The following GRM7 variants were observed in gnomAD, a reference collection of about 807,000 sequenced individuals.
GRM7 encodes glutamate metabotropic receptor 7.
Under a neutral mutation model 84.5 loss-of-function variants are expected in GRM7, and 35 were observed. The ratio of observed to expected loss-of-function variants is 0.41; its 90% CI spans 0.32 to 0.55. GRM7 has a LOEUF of 0.55. GRM7 is among the 20% of genes least tolerant of loss of function. The probability of loss-of-function intolerance (pLI) is 0.19; values close to 1 mark genes in which losing one functional copy is unlikely to be tolerated. For missense variants in GRM7, 1,003 were observed against 1,194.6 expected, an observed-to-expected ratio of 0.84 and a Z score of 2.36; for synonymous variants, 487 against 455.1, an observed-to-expected ratio of 1.07 and a Z score of -0.89.
intron 1 of GRM7, among the ~76,000 whole-genome samples, chr3:6,934,632 T>C (rs1257896282): frequency 6.6e-6 from 1 of 152,052 alleles, no homozygotes; most frequent in Non-Finnish European, 1.5e-5. Context: ...AGAACAGATA[T>C]AGAGGAGAGA....
In GRM7 at chr3:7,452,701, C is replaced by T; in HGVS notation, c.1269C>T (p.His423=). 1.9e-6 allele frequency: 3 copies of T among 1,612,718 alleles called. No individual in the cohort carries two copies. The highest frequency in any genetic ancestry group is 2.5e-6 in the Non-Finnish European group (3 of 1,178,902). ...DAVYAMAHAL[H]HMNKDLCADY... ...TCTATGCTATGGCTCACGCCCTTCA[C>T]CACATGAACAAGGATCTCTGTGCTG... Residue 423 remains histidine (H), a synonymous_variant, in exon 6 of 10, where the codon CAC becomes CAT. Coordinates refer to ENST00000357716, the MANE Select transcript of GRM7 (RefSeq NM_000844.4).
chr3:7,437,674 G>A (rs1348388467), intron 5 of GRM7, among the ~76,000 whole-genome samples: 2 of 151,896 alleles, frequency 1.3e-5, no homozygotes, highest in Admixed American at 1.3e-4. Flanking sequence ...CGTCTGCCTG[G>A]TTTCCTTCTT....
At chr3:6,896,955 C>T (rs1038931950) in intron 1 of GRM7, among the ~76,000 whole-genome samples, 2 of 152,254 alleles carry the variant, frequency 1.3e-5, no homozygotes, top group African/African-American at 4.8e-5. Flanking sequence ...CATATTGTAT[C>T]ATGGTTATTT....
chr3:7,104,532 ACT>A (rs1699232301), intron 1 of GRM7, among the ~76,000 whole-genome samples: 1 of 151,802 alleles, frequency 6.6e-6, no homozygotes, highest in East Asian at 1.9e-4. Context: ...TACAGAAATA[ACT>A]CTCAAATCTT....
chr3:7,300,635 C>G (rs1482398694), intron 3 of GRM7, among the ~76,000 whole-genome samples: 1 of 152,104 alleles, frequency 6.6e-6, no homozygotes, highest in Non-Finnish European at 1.5e-5. Context: ...TGATCTCCCT[C>G]CCAATTCTGC....
intron 1 of GRM7, among the ~76,000 whole-genome samples, chr3:6,954,768 A>AT (rs1462866806): frequency 6.6e-6 from 1 of 152,230 alleles, no homozygotes; most frequent in Non-Finnish European, 1.5e-5. Context: ...GAGAGAGATA[A>AT]TATATGTAAA....
At chr3:7,315,760 T>C (rs1285857084) in intron 4 of GRM7, among the ~76,000 whole-genome samples, 1 of 152,176 alleles carries the variant, frequency 6.6e-6, no homozygotes, top group African/African-American at 2.4e-5. Flanking sequence ...ATTTGTCTTT[T>C]TCTTGATTTA....
intron 7 of GRM7, among the ~76,000 whole-genome samples, chr3:7,569,414 C>T (rs9875999): frequency 0.064 from 9,670 of 152,088 alleles, 841 homozygotes; most frequent in African/African-American, 0.2. Context: ...CATGGAGAAC[C>T]TTTGTGTCTA....
At position 6,929,190 on chromosome 3, in the gene GRM7, T is replaced by C. The variant is rs907714349; in HGVS notation, c.519+67283T>C. Among the ~76,000 whole-genome samples the C allele has an allele frequency of 2.0e-5, 3 of 152,312 alleles. No homozygotes were observed. The South Asian group carries it at 6.2e-4, about 32-fold the overall frequency. ...GGTGTGAGAAAGGAGTATTTCAGTT[T>C]TATAAAGATGGTTCCTCTAGCTGGC... On this transcript the variant is annotated intron_variant, in intron 1 of 9. Transcript: ENST00000357716.
Position 7,578,448 on chromosome 3 carries a change from A to T in GRM7, c.1542A>T (p.Gly514=). ...TAGAAGACATGCAGTGGGGTAAAGG[A>T]GTCCGAGAGATACCCGCCTCAGTGT... is the stretch of plus-strand genomic sequence containing the variant. ...LNIEDMQWGK[G]VREIPASVCT... The change falls in exon 8 of 10, where the codon GGA becomes GGT. Residue 514 remains glycine, a synonymous_variant. Coordinates refer to ENST00000357716, the MANE Select transcript of GRM7 (RefSeq NM_000844.4). The T allele has an allele frequency of 6.2e-7, 1 of 1,612,494 alleles. No individual in the cohort carries two copies. Among genetic ancestry groups the T allele is most frequent in the Non-Finnish European group, 8.5e-7 (1 of 1,178,770 alleles).
chr3:7,446,221 C>A (rs1363717725), intron 5 of GRM7, among the ~76,000 whole-genome samples: 1 of 152,136 alleles, frequency 6.6e-6, no homozygotes, highest in African/African-American at 2.4e-5. Flanking sequence ...ATCAGACTTT[C>A]CAAAGCAAAT....
At chr3:7,228,279 T>A (rs1697048341) in intron 2 of GRM7, among the ~76,000 whole-genome samples, 1 of 152,188 alleles carries the variant, frequency 6.6e-6, no homozygotes, top group Admixed American at 6.5e-5. Context: ...AGTACAGATA[T>A]GTTTAAGGTA....
chr3:7,469,202 A>T (rs1042880159), intron 7 of GRM7, among the ~76,000 whole-genome samples: 1 of 152,170 alleles, frequency 6.6e-6, no homozygotes, highest in Non-Finnish European at 1.5e-5. Flanking sequence ...GGATCAGAGG[A>T]TGCAACCAGA....
At chr3:6,875,549 C>A (rs1021082865) in intron 1 of GRM7, among the ~76,000 whole-genome samples, 2 of 152,116 alleles carry the variant, frequency 1.3e-5, no homozygotes, top group Non-Finnish European at 2.9e-5. Flanking sequence ...CCTCCCCAGC[C>A]GTGTGGAACT....
chr3:7,249,163 T>C (rs1048291526), intron 2 of GRM7, among the ~76,000 whole-genome samples: 2 of 152,118 alleles, frequency 1.3e-5, no homozygotes, highest in African/African-American at 4.8e-5. Flanking sequence ...CTTCCATGGT[T>C]TTCTTGAGAA....
intron 8 of GRM7, among the ~76,000 whole-genome samples, chr3:7,587,336 T>A (rs140986304): frequency 3.3e-5 from 5 of 152,266 alleles, no homozygotes; most frequent in African/African-American, 1.2e-4. Context: ...CTTTAAACAC[T>A]CTCTACCACA....
intron 1 of GRM7, among the ~76,000 whole-genome samples, chr3:6,964,443 G>T (rs1693431075): frequency 6.6e-6 from 1 of 152,178 alleles, no homozygotes; most frequent in Admixed American, 6.5e-5. Flanking sequence ...GACTTAAACA[G>T]TAAGTCCGTA....
At chr3:7,738,362 A>G (rs564979445) in intron 9 of GRM7, among the ~76,000 whole-genome samples, 2 of 152,246 alleles carry the variant, frequency 1.3e-5, no homozygotes, top group Admixed American at 6.5e-5. Flanking sequence ...GACCCCTCCT[A>G]TGTAAAATGG....
chr3:7,242,847 C>T (rs560478431), intron 2 of GRM7, among the ~76,000 whole-genome samples: 37 of 152,180 alleles, frequency 2.4e-4, no homozygotes, highest in Middle Eastern at 3.4e-3. Flanking sequence ...ATTGACAGCC[C>T]GTTTCCCCTC....
Sources: allele counts gnomAD v4.1 joint callset (sites outside exome capture counted in the v4.1 genomes callset), GRCh38; gene constraint gnomAD v4.1.1; transcripts MANE v1.5; gene names NCBI Gene and HGNC (gene_info 2026-07-23, HGNC 2026-07-21).